Variants in SLC12A1 observed in about 807,000 individuals in gnomAD.
SLC12A1 encodes Na-K-2Cl cotransporter.
Under a neutral mutation model 130.4 loss-of-function variants are expected in SLC12A1, and 89 were observed. The ratio of observed to expected loss-of-function variants is 0.68; its 90% CI spans 0.58 to 0.81. The LOEUF (loss-of-function observed/expected upper bound fraction) is 0.81, where lower values mean the gene tolerates loss of function less well. Ranked by LOEUF, SLC12A1 falls within the 40% of genes least tolerant of loss-of-function variation. The pLI, the probability that SLC12A1 is intolerant of heterozygous loss-of-function variation, is 0.00. For synonymous variants in SLC12A1, 499 were observed against 460.0 expected (o/e 1.08, Z -1.09); for missense variants, 1,310 against 1,336.4 (o/e 0.98, Z 0.31).
chr15:48,268,966 C>T (rs1276517796), intron 18 of SLC12A1, among the ~76,000 whole-genome samples: 1 of 152,142 alleles, frequency 6.6e-6, no homozygotes, highest in Non-Finnish European at 1.5e-5. Context: ...AACATGCATA[C>T]ATTCATATGA....
At chr15:48,285,332 T>G in intron 21 of SLC12A1, 83 bp downstream of exon 21, 2 of 1,377,902 alleles carry the variant, frequency 1.5e-6, no homozygotes, top group African/African-American at 2.9e-5. Flanking sequence ...AGTCAGCATC[T>G]AAGATGTTGG....
At chr15:48,265,059 T>G (rs2041818455) in intron 17 of SLC12A1, among the ~76,000 whole-genome samples, 1 of 152,208 alleles carries the variant, frequency 6.6e-6, no homozygotes, top group Non-Finnish European at 1.5e-5. Flanking sequence ...CTATGGCATA[T>G]TTGAATGTTG....
intron 5 of SLC12A1, chr15:48,226,866 C>T (rs971798356): frequency 3.4e-6 from 2 of 593,772 alleles, no homozygotes; most frequent in African/African-American, 3.7e-5. Context: ...AGCTGATGTT[C>T]CTTGGAAACT....
Position 48,255,828 on chromosome 15 carries a change from T to C in SLC12A1, c.1960T>C (p.Ser654Pro), listed in dbSNP as rs1316507415. 6.2e-7 allele frequency: 1 copy of C among 1,606,760 alleles called. No individual in the cohort carries two copies. Among genetic ancestry groups the C allele is most frequent in the Admixed American group, 1.7e-5 (1 of 59,234 alleles). ...CKKPDVNWGS[S>P]TQALSYVSAL... ...ATCCACAGATGTGAACTGGGGCTCC[T>C]CCACACAGGCTCTTTCCTACGTGAG... Residue 654 changes from serine to proline, a missense_variant, in exon 16 of 27, where the codon TCC becomes CCC. Coordinates refer to ENST00000380993, the MANE Select transcript of SLC12A1 (RefSeq NM_000338.3).
chr15:48,252,235 A>T (rs1002044420), intron 15 of SLC12A1, among the ~76,000 whole-genome samples: 4 of 152,166 alleles, frequency 2.6e-5, no homozygotes, highest in Non-Finnish European at 2.9e-5. Flanking sequence ...GAATAACAAT[A>T]GTTAACCTTG....
At chr15:48,207,116 G>A (rs2040991317) in intron 1 of SLC12A1, among the ~76,000 whole-genome samples, 1 of 152,040 alleles carries the variant, frequency 6.6e-6, no homozygotes, top group South Asian at 2.1e-4. Flanking sequence ...CATTTTATAT[G>A]TTGTATAGTA....
chr15:48,255,413 G>C (rs548230742), intron 15 of SLC12A1, among the ~76,000 whole-genome samples: 1 of 150,448 alleles, frequency 6.6e-6, no homozygotes, highest in Non-Finnish European at 1.5e-5. Context: ...ACTCCAGCCT[G>C]CTGACAGAGT....
intron 19 of SLC12A1, among the ~76,000 whole-genome samples, chr15:48,270,658 T>A (rs2041883266): frequency 7.2e-6 from 1 of 138,706 alleles, no homozygotes; most frequent in African/African-American, 2.7e-5. Context: ...ATATATATAT[T>A]ATATACTCCA....
intron 17 of SLC12A1, among the ~76,000 whole-genome samples, chr15:48,266,002 G>A (rs970415022): frequency 3.3e-5 from 5 of 152,114 alleles, no homozygotes; most frequent in Non-Finnish European, 7.4e-5. Context: ...CTTTTTTGTA[G>A]TAGGACTTTG....
chr15:48,235,059 A>G (rs2041424993), intron 9 of SLC12A1, 55 bp downstream of exon 9: 1 of 1,574,846 alleles, frequency 6.3e-7, no homozygotes, highest in African/African-American at 1.3e-5. Context: ...CTTGGTGGGT[A>G]GCACAAGGAG....
At chr15:48,266,115 G>A (rs555090250) in intron 17 of SLC12A1, among the ~76,000 whole-genome samples, 1 of 152,276 alleles carries the variant, frequency 6.6e-6, no homozygotes, top group African/African-American at 2.4e-5. Context: ...ATATTGGGCA[G>A]TGATGACCTA....
rs755784478 is a variant in SLC12A1 at position 48,251,786 on chromosome 15, T to C, written c.1942+16T>C. 5 of 1,610,850 alleles carry C rather than the reference T, an allele frequency of 3.1e-6. No homozygotes were observed. The highest frequency in any genetic ancestry group is 4.2e-6 in the Non-Finnish European group (5 of 1,177,734). Reference sequence around the variant, plus strand: ...AAGAAGCCAGGTAAGATAATGACTGTCTGGAATAGCGTTTCCAAATCTCTC... The same window carrying C: ...AAGAAGCCAGGTAAGATAATGACTGCCTGGAATAGCGTTTCCAAATCTCTC... On this transcript the variant is annotated intron_variant, in intron 15 of 26. Transcript: ENST00000380993.
chr15:48,240,044 TATATCCATATATATATATATATATATCC>T (rs2041489822), intron 9 of SLC12A1, among the ~76,000 whole-genome samples: 1 of 12,978 alleles, frequency 7.7e-5, no homozygotes, highest in Non-Finnish European at 7.9e-4. Flanking sequence ...TATATATATA[TATATCCATATATATATATATATATATCC>T]ATATATATAT....
Position 48,241,658 on chromosome 15 carries a change from G to A in SLC12A1, c.1300+59G>A, listed in dbSNP as rs113418716. On this transcript the variant is annotated intron_variant, in intron 10 of 26. Coordinates refer to ENST00000380993, the MANE Select transcript of SLC12A1 (RefSeq NM_000338.3). ...AATTACGAGGGGTCCAGTTGTTCACGTCTAGTGAGCTTTCAATGCAGCATA... is the reference window on the plus strand; with the variant it reads ...AATTACGAGGGGTCCAGTTGTTCACATCTAGTGAGCTTTCAATGCAGCATA... 294 of 1,181,522 alleles carry A rather than the reference G, an allele frequency of 2.5e-4. 1 individual carries two copies. The African/African-American group carries it at 3.8e-3, about 15-fold the overall frequency. 73.2% of individuals were successfully genotyped at this position (1,181,522 alleles called of 1,614,324 possible).
intron 9 of SLC12A1, among the ~76,000 whole-genome samples, chr15:48,236,507 G>C (rs1054333698): frequency 3.3e-5 from 5 of 152,202 alleles, no homozygotes; most frequent in Non-Finnish European, 7.3e-5. Flanking sequence ...ACGGCTGTTA[G>C]AGGGACTTGA....
chr15:48,241,212 G>A (rs1285813035), intron 9 of SLC12A1, among the ~76,000 whole-genome samples: 1 of 152,200 alleles, frequency 6.6e-6, no homozygotes, highest in Non-Finnish European at 1.5e-5. Context: ...AGGAGATAAA[G>A]AGAAGGATGA....
In SLC12A1 at chr15:48,244,795, C is replaced by A. The variant is rs376262202; in HGVS notation, c.1343C>A (p.Thr448Asn). 4.3e-6 allele frequency: 7 copies of A among 1,613,816 alleles called. No individual in the cohort carries two copies. In the African/African-American group the frequency reaches 6.7e-5, roughly 15 times the overall value. Residue 448 changes from threonine to asparagine, a missense_variant, in exon 11 of 27, where the codon ACC (threonine) becomes AAC (asparagine). Physicochemically the swap from Thr to Asn is moderately conservative, Grantham distance 65. Transcript: ENST00000380993. Reference protein sequence around the residue: ...VRDATGNMNDTIISGMNCNGS... With the variant: ...VRDATGNMNDNIISGMNCNGS... Reference sequence around the variant, plus strand: ...GATGCCACCGGGAACATGAATGACACCATCATTTCTGGGATGAACTGCAAT... The same window carrying A: ...GATGCCACCGGGAACATGAATGACAACATCATTTCTGGGATGAACTGCAAT...
rs2042260736 is a variant in SLC12A1, at chr15:48,303,968, G to A, written c.*1083G>A. ...ACATTGACAAACCAATGAAAATATT[G>A]ATTTTCTGATGAATGGCTTGATTTT... On this transcript the variant is annotated 3_prime_UTR_variant, in exon 27 of 27. Coordinates refer to ENST00000380993, the MANE Select transcript of SLC12A1 (RefSeq NM_000338.3). 1 of 152,046 alleles carries A rather than the reference G, an allele frequency of 6.6e-6. No individual in the cohort carries two copies. The highest frequency in any genetic ancestry group is 2.4e-5 in the African/African-American group (1 of 41,390). The allele number at this position is 152,046 out of a possible 1,614,324, so 9.4% of individuals were successfully genotyped here. A position where few individuals can be genotyped will look rare whatever the true frequency, so the allele number is the denominator to read the frequency against.
At chr15:48,285,968 T>C (rs924470204) in intron 21 of SLC12A1, among the ~76,000 whole-genome samples, 18 of 152,190 alleles carry the variant, frequency 1.2e-4, no homozygotes, top group African/African-American at 3.9e-4. Flanking sequence ...CAGGCATTTG[T>C]TTATGCACGA....
Sources: gnomAD v4.1 joint callset for allele counts (sites outside exome capture counted in the v4.1 genomes callset) on GRCh38, gnomAD v4.1.1 for gene constraint, MANE v1.5 for transcripts, NCBI Gene and HGNC (gene_info 2026-07-23, HGNC 2026-07-21) for gene names.